Variants in SGCD observed in about 807,000 individuals in gnomAD.
SGCD encodes the protein delta-sarcoglycan.
A neutral mutation model predicts 36.6 loss-of-function variants in SGCD; 18 were observed. That is an observed-to-expected ratio of 0.49 (90% CI 0.34 to 0.73). SGCD has a LOEUF of 0.73. SGCD is among the 30% of genes least tolerant of loss of function. The pLI is 0.01. For synonymous variants in SGCD, 133 were observed against 130.6 expected (o/e 1.02, Z -0.12); for missense variants, 387 against 346.7 (o/e 1.12, Z -0.92).
intron 4 of SGCD, among the ~76,000 whole-genome samples, chr5:156,520,960 T>G (rs1247740885): frequency 7.3e-6 from 1 of 136,306 alleles, no homozygotes; most frequent in African/African-American, 2.8e-5. Context: ...GATATTGCAG[T>G]GAGTCGAGAT....
the SGCD span, among the ~76,000 whole-genome samples, chr5:155,836,074 A>G: frequency 6.6e-6 from 1 of 152,214 alleles, no homozygotes; most frequent in Admixed American, 6.5e-5. Flanking sequence ...AGTCAATCCT[A>G]GCAAAATTAT....
At chr5:156,079,658 TAA>T (rs771906385) in intron 1 of SGCD, among the ~76,000 whole-genome samples, 2 of 152,222 alleles carry the variant, frequency 1.3e-5, no homozygotes, top group African/African-American at 2.4e-5. Flanking sequence ...AACTAAATCT[TAA>T]AGCTCTGAAA....
intron 1 of SGCD, among the ~76,000 whole-genome samples, chr5:155,946,076 CTCT>C (rs1342221437): frequency 1.3e-3 from 200 of 152,248 alleles, no homozygotes; most frequent in African/African-American, 4.7e-3. Flanking sequence ...TCAAGCGTGA[CTCT>C]TACAAATATT....
rs1232876728 is a variant in SGCD, at chr5:156,766,639, A to C, written c.*7249A>C. The C allele has an allele frequency of 6.7e-6, 1 of 150,284 alleles. No individual in the cohort carries two copies. Among genetic ancestry groups the C allele is most frequent in the African/African-American group, 2.5e-5 (1 of 40,674 alleles). 9.3% of individuals were successfully genotyped at this position (150,284 alleles called of 1,614,324 possible). On this transcript the variant is annotated 3_prime_UTR_variant, in exon 9 of 9. Coordinates refer to ENST00000337851, the MANE Select transcript of SGCD (RefSeq NM_000337.6). ...AACTAGGAAGGGAGAAAATGAGTGCATCTGAAGTTCCTTACAGCTTGGTTT... is the reference window on the plus strand; with the variant it reads ...AACTAGGAAGGGAGAAAATGAGTGCCTCTGAAGTTCCTTACAGCTTGGTTT...
At chr5:156,500,642 C>T (rs1475719899) in intron 3 of SGCD, among the ~76,000 whole-genome samples, 1 of 152,092 alleles carries the variant, frequency 6.6e-6, no homozygotes, top group Non-Finnish European at 1.5e-5. Context: ...ATCAAAATAT[C>T]AAAAATTGCA....
chr5:156,508,898 G>A lies in SGCD; in HGVS notation c.294+196G>A, dbSNP rs542351229. Among the ~76,000 whole-genome samples, 8 of 152,258 alleles carry A rather than the reference G, an allele frequency of 5.3e-5. No homozygotes were observed. The East Asian group carries it at 1.5e-3, about 29-fold the overall frequency. ...TGTAAGCAAGTGAGATGACCTCTCT[G>A]AGCCTCTTTCCATTCCTGCTCAACC... On this transcript the variant is annotated intron_variant, in intron 4 of 8. Coordinates refer to ENST00000337851, the MANE Select transcript of SGCD (RefSeq NM_000337.6).
chr5:155,750,509 C>A, the SGCD span, among the ~76,000 whole-genome samples: 1 of 152,072 alleles, frequency 6.6e-6, no homozygotes, highest in East Asian at 1.9e-4. Flanking sequence ...AAAAAATAAC[C>A]TCTATTTGTC....
the SGCD span, among the ~76,000 whole-genome samples, chr5:155,773,395 G>C: frequency 6.6e-5 from 10 of 152,196 alleles, no homozygotes; most frequent in East Asian, 1.4e-3. Context: ...GGCCAGGCTG[G>C]TTTTGAACTT....
chr5:156,514,115 T>C (rs747446236), intron 4 of SGCD, among the ~76,000 whole-genome samples: 3 of 152,222 alleles, frequency 2.0e-5, no homozygotes, highest in Non-Finnish European at 2.9e-5. Context: ...TACTAGTAGA[T>C]AGAACGAATG....
chr5:155,854,117 T>C, the SGCD span, among the ~76,000 whole-genome samples: 1 of 152,220 alleles, frequency 6.6e-6, no homozygotes, highest in African/African-American at 2.4e-5. Context: ...TAGAGGTTTA[T>C]GGCATTATAA....
chr5:156,232,681 GCTCC>G (rs1233811710), intron 3 of SGCD, among the ~76,000 whole-genome samples: 3 of 152,156 alleles, frequency 2.0e-5, no homozygotes, highest in Admixed American at 6.5e-5. Context: ...AGGAACTGTA[GCTCC>G]CTCTGAGTAT....
At chr5:156,440,571 C>T (rs142884349) in intron 3 of SGCD, among the ~76,000 whole-genome samples, 214 of 152,218 alleles carry the variant, frequency 1.4e-3, no homozygotes, top group African/African-American at 4.9e-3. Flanking sequence ...TATTTGGCAT[C>T]TCCACCAGCA....
At chr5:156,595,225 G>T (rs1476556417) in intron 6 of SGCD, among the ~76,000 whole-genome samples, 174 bp downstream of exon 6, 1 of 152,070 alleles carries the variant, frequency 6.6e-6, no homozygotes, top group African/African-American at 2.4e-5. Context: ...AGTCATGAGG[G>T]TTGAGCCCTC....
At chr5:156,483,571 A>G (rs1755532365) in intron 3 of SGCD, among the ~76,000 whole-genome samples, 2 of 152,166 alleles carry the variant, frequency 1.3e-5, no homozygotes, top group African/African-American at 2.4e-5. Context: ...GCATTTGGCA[A>G]CTTCATTTGT....
At chr5:156,632,322 C>T (rs1394821767) in intron 6 of SGCD, among the ~76,000 whole-genome samples, 1 of 150,788 alleles carries the variant, frequency 6.6e-6, no homozygotes, top group Non-Finnish European at 1.5e-5. Flanking sequence ...AGCACCAGCC[C>T]CAGTAGGTTT....
At chr5:156,076,335 A>G (rs1760783698) in intron 1 of SGCD, among the ~76,000 whole-genome samples, 1 of 151,626 alleles carries the variant, frequency 6.6e-6, no homozygotes, top group African/African-American at 2.4e-5. Context: ...ACTTTCTAAG[A>G]GTTGCTGGGA....
chr5:156,111,293 G>A (rs1433641618), intron 1 of SGCD, among the ~76,000 whole-genome samples: 1 of 152,162 alleles, frequency 6.6e-6, no homozygotes, highest in African/African-American at 2.4e-5. Context: ...GGTGCACACT[G>A]AGTAGGTGAG....
intron 3 of SGCD, among the ~76,000 whole-genome samples, chr5:156,195,967 T>C (rs557694348): frequency 6.6e-6 from 1 of 152,278 alleles, no homozygotes; most frequent in South Asian, 2.1e-4. Context: ...TCCTGAGAGC[T>C]GCAGGTTTCA....
At chr5:156,620,605 G>A (rs1454784857) in intron 6 of SGCD, among the ~76,000 whole-genome samples, 1 of 152,184 alleles carries the variant, frequency 6.6e-6, no homozygotes, top group African/African-American at 2.4e-5. Context: ...AAGTGTAATG[G>A]ATGGGGACAG....
Sources: allele counts gnomAD v4.1 joint callset (sites outside exome capture counted in the v4.1 genomes callset), GRCh38; gene constraint gnomAD v4.1.1; transcripts MANE v1.5; gene names NCBI Gene and HGNC (gene_info 2026-07-23, HGNC 2026-07-21).